Variants in VEZT observed in about 807,000 individuals in gnomAD.
VEZT encodes vezatin, adherens junctions transmembrane protein.
In VEZT, 39 loss-of-function variants were observed where a neutral mutation model predicts 79.9. That is an observed-to-expected ratio of 0.49 (90% CI 0.38 to 0.64). The LOEUF (loss-of-function observed/expected upper bound fraction) is 0.64. Among genes scored for constraint, VEZT ranks in the 30% least tolerant of loss-of-function variants. The pLI is 0.00. For synonymous variants in VEZT, 325 were observed against 327.6 expected, an observed-to-expected ratio of 0.99 and a Z score of 0.09; for missense variants, 837 against 893.1, an observed-to-expected ratio of 0.94 and a Z score of 0.80.
rs201816606 is a variant in VEZT, at chr12:95,219,864, TA to T, written c.36+1979del. Among the ~76,000 whole-genome samples, 838 of 152,388 alleles carry T rather than the reference TA, an allele frequency of 5.5e-3. 39 individuals are homozygous for T. The East Asian group carries it at 0.14, about 25-fold the overall frequency. On this transcript the variant is annotated intron_variant, in intron 1 of 11. Transcript: ENST00000436874. ...CATTCCATTGTTTTAATTTACATTT[TA>T]TGCATTTATACATTTATTAGCTATT... is the stretch of plus-strand genomic sequence containing the variant.
intron 1 of VEZT, among the ~76,000 whole-genome samples, chr12:95,250,133 T>TATAC (rs2062316878): frequency 6.6e-6 from 1 of 150,512 alleles, no homozygotes; most frequent in African/African-American, 2.4e-5. Context: ...GTTACATATG[T>TATAC]ATACATGTGC....
At chr12:95,288,809 A>C (rs1167089218) in intron 9 of VEZT, among the ~76,000 whole-genome samples, 1 of 152,116 alleles carries the variant, frequency 6.6e-6, no homozygotes, top group South Asian at 2.1e-4. Context: ...CTACCAAGAA[A>C]CTCTGATATA....
chr12:95,284,380 C>T (rs2070030676), intron 8 of VEZT, among the ~76,000 whole-genome samples: 1 of 152,168 alleles, frequency 6.6e-6, no homozygotes, highest in African/African-American at 2.4e-5. Flanking sequence ...CTCAGTGCCT[C>T]ATGTGGAACC....
At chr12:95,266,276 ATT>A in intron 4 of VEZT, 79 bp from the exon 5 acceptor site, 1 of 1,433,734 alleles carries the variant, frequency 7.0e-7, no homozygotes, top group South Asian at 1.5e-5. Flanking sequence ...CTAAATTTAA[ATT>A]TTGTTTTTAC....
Position 95,266,458 on chromosome 12 carries a change from A to G in VEZT, c.536A>G (p.Tyr179Cys), listed in dbSNP as rs1303576749. Residue 179 changes from tyrosine (Y) to cysteine (C), a missense_variant, in exon 5 of 12, where the codon TAT (tyrosine) becomes TGT (cysteine). By Grantham distance (194) the Tyr-to-Cys change is radical. Transcript: ENST00000436874. ...WLVWGVILFV[Y>C]LVIRALRLWR... Reference sequence around the variant, plus strand: ...GTATGGGGAGTGATTCTATTTGTGTATCTGGTCATAAGAGCTTTGAGATTA... The same window carrying G: ...GTATGGGGAGTGATTCTATTTGTGTGTCTGGTCATAAGAGCTTTGAGATTA... 3 of 1,613,702 alleles carry G rather than the reference A, an allele frequency of 1.9e-6. No individual in the cohort carries two copies. The highest frequency in any genetic ancestry group is 1.7e-6 in the Non-Finnish European group (2 of 1,179,882).
intron 2 of VEZT, among the ~76,000 whole-genome samples, chr12:95,255,045 A>G (rs868401336): frequency 2.6e-5 from 4 of 151,994 alleles, no homozygotes; most frequent in African/African-American, 7.3e-5. Flanking sequence ...ACTTATGTCC[A>G]TTCTCCAGGC....
chr12:95,294,151 T>G, intron 9 of VEZT, 121 bp from the exon 10 acceptor site: 2 of 704,708 alleles, frequency 2.8e-6, no homozygotes, highest in South Asian at 3.6e-5. Flanking sequence ...CCTCCCGAAG[T>G]GCTGGGATTA....
intron 1 of VEZT, among the ~76,000 whole-genome samples, chr12:95,235,997 C>T (rs956120948): frequency 2.6e-5 from 4 of 151,874 alleles, no homozygotes; most frequent in South Asian, 2.1e-4. Flanking sequence ...CGGGCAGAGA[C>T]GCTCCTCACT....
intron 1 of VEZT, among the ~76,000 whole-genome samples, chr12:95,228,256 A>T (rs2058768256): frequency 6.6e-6 from 1 of 152,192 alleles, no homozygotes; most frequent in Admixed American, 6.5e-5. Context: ...AGTTTTAAAA[A>T]ATTTCTCTCT....
chr12:95,241,322 C>T (rs1461768457), intron 1 of VEZT, among the ~76,000 whole-genome samples: 4 of 152,060 alleles, frequency 2.6e-5, no homozygotes, highest in African/African-American at 9.7e-5. Context: ...CAGGTGTGAG[C>T]CACCGTGCCT....
intron 6 of VEZT, among the ~76,000 whole-genome samples, chr12:95,274,049 C>T (rs934742913): frequency 5.3e-5 from 8 of 152,230 alleles, no homozygotes; most frequent in Admixed American, 3.3e-4. Flanking sequence ...TTTCAGATAA[C>T]GTTCAACTAA....
chr12:95,286,933 C>G (rs1006441115), intron 8 of VEZT: 37 of 138,144 alleles, frequency 2.7e-4, no homozygotes, highest in African/African-American at 2.9e-5. Flanking sequence ...GTCACCAGCT[C>G]GAGCCACATC....
At chr12:95,235,583 G>A (rs1266699263) in intron 1 of VEZT, among the ~76,000 whole-genome samples, 1 of 144,820 alleles carries the variant, frequency 6.9e-6, no homozygotes, top group East Asian at 2.1e-4. Context: ...GGCTGGCCGG[G>A]CAGAGGGGCT....
At chr12:95,297,740 A>G (rs746371544) in intron 11 of VEZT, among the ~76,000 whole-genome samples, 1 of 152,060 alleles carries the variant, frequency 6.6e-6, no homozygotes, top group Non-Finnish European at 1.5e-5. Context: ...ATCCAATTAT[A>G]TTTTCTACTG....
intron 5 of VEZT, among the ~76,000 whole-genome samples, chr12:95,268,621 C>A (rs556705942): frequency 8.4e-4 from 128 of 152,216 alleles, no homozygotes; most frequent in African/African-American, 3.0e-3. Context: ...GTGTCATTTT[C>A]CAACTTTATC....
At chr12:95,242,030 A>T (rs960433155) in intron 1 of VEZT, 1 of 152,224 alleles carries the variant, frequency 6.6e-6, no homozygotes, top group Non-Finnish European at 1.5e-5. Flanking sequence ...CATTTTCTGA[A>T]TTTTTTAAAA....
intron 8 of VEZT, among the ~76,000 whole-genome samples, chr12:95,286,158 A>T (rs2070781216): frequency 1.3e-5 from 2 of 151,876 alleles, no homozygotes; most frequent in African/African-American, 4.8e-5. Context: ...ATGCCCAGCT[A>T]ATTTTTATAC....
At chr12:95,277,398 A>G (rs2068007932) in intron 7 of VEZT, among the ~76,000 whole-genome samples, 1 of 152,162 alleles carries the variant, frequency 6.6e-6, no homozygotes, top group African/African-American at 2.4e-5. Context: ...ACTTGGAGAA[A>G]CATCTGTTGC....
At chr12:95,261,512 A>G (rs2064485553) in intron 3 of VEZT, among the ~76,000 whole-genome samples, 1 of 152,120 alleles carries the variant, frequency 6.6e-6, no homozygotes. Flanking sequence ...CCTGGGTTCA[A>G]GAGATTCTCC....
Sources: allele counts gnomAD v4.1 joint callset (sites outside exome capture counted in the v4.1 genomes callset), GRCh38; gene constraint gnomAD v4.1.1; transcripts MANE v1.5; gene names NCBI Gene and HGNC (gene_info 2026-07-23, HGNC 2026-07-21).